The following ZFPM1 variants were observed in gnomAD, a reference collection of about 807,000 sequenced individuals.
The protein encoded by ZFPM1 is zinc finger protein ZFPM1.
In ZFPM1, 28 loss-of-function variants were observed where a neutral mutation model predicts 46.3. That is an observed-to-expected ratio of 0.60 (90% CI 0.45 to 0.83). The LOEUF is 0.83. Among genes scored for constraint, ZFPM1 ranks in the 40% least tolerant of loss-of-function variants. ZFPM1 has a pLI of 0.00. For missense variants in ZFPM1, 1,878 were observed against 1,432.4 expected (o/e 1.31, Z -5.02); for synonymous variants, 957 against 675.9 (o/e 1.42, Z -6.45).
intron 4 of ZFPM1, among the ~76,000 whole-genome samples, chr16:88,521,355 C>A (rs565875800): frequency 1.3e-5 from 2 of 151,966 alleles, no homozygotes; most frequent in Non-Finnish European, 2.9e-5. Context: ...TGACCCCTGA[C>A]GCCAGGCTCT....
rs1424319437 is a variant in ZFPM1 at position 88,490,788 on chromosome 16, G to A, written c.268+1635G>A. Among the ~76,000 whole-genome samples the A allele has an allele frequency of 3.3e-5, 5 of 152,322 alleles. No individual in the cohort carries two copies. In the East Asian group the frequency reaches 9.6e-4, roughly 29 times the overall value. ...TGGGGCTGCCCAAGGCAATGCTGGG[G>A]CCTCATGGCCACCGGTCCTCACGGG... On this transcript the variant is annotated intron_variant, in intron 3 of 9. Coordinates refer to ENST00000319555, the MANE Select transcript of ZFPM1 (RefSeq NM_153813.3).
intron 3 of ZFPM1, among the ~76,000 whole-genome samples, chr16:88,499,737 G>T (rs1187914949): frequency 4.6e-5 from 7 of 152,168 alleles, no homozygotes; most frequent in Admixed American, 4.6e-4. Context: ...GCCAGGAGAG[G>T]TGAGGTAGCC....
rs796150559 is a variant in ZFPM1 at position 88,502,077 on chromosome 16, T to C, written c.269-12310T>C. ...ACCCGCCCCCCCCCATTTATTTATT[T>C]ATTTATTTATTTATTTATTTATTTA... is the stretch of plus-strand genomic sequence containing the variant. On this transcript the variant is annotated intron_variant, in intron 3 of 9. Transcript: ENST00000319555. Among the ~76,000 whole-genome samples the C allele has an allele frequency of 4.1e-4, 50 of 123,304 alleles. 1 individual carries two copies. The highest frequency in any genetic ancestry group is 7.2e-4 in the East Asian group (3 of 4,180). 80.9% of individuals were successfully genotyped at this position (123,304 alleles called of 152,430 possible). A position where few individuals can be genotyped will look rare whatever the true frequency, so the allele number is the denominator to read the frequency against.
At chr16:88,513,864 C>G (rs1399110532) in intron 3 of ZFPM1, among the ~76,000 whole-genome samples, 3 of 152,220 alleles carry the variant, frequency 2.0e-5, no homozygotes, top group Admixed American at 6.5e-5. Context: ...TTCCCATGGT[C>G]TTTTCTGTCT....
rs759408456 is a variant in ZFPM1, at chr16:88,534,802, G to T, written c.2844G>T (p.Ala948=). 5.8e-6 allele frequency: 8 copies of T among 1,385,888 alleles called. No individual in the cohort carries two copies. Among genetic ancestry groups the T allele is most frequent in the African/African-American group, 3.0e-5 (2 of 67,692 alleles). 85.8% of individuals were successfully genotyped at this position (1,385,888 alleles called of 1,614,324 possible). Residue 948 remains alanine (A), a synonymous_variant, in exon 10 of 10, where the codon GCG becomes GCT. Coordinates refer to ENST00000319555, the MANE Select transcript of ZFPM1 (RefSeq NM_153813.3). ...CCGAGGCCGTGCCGCCCCCGCCGGC[G>T]CCCCCCTCCTACTCGGACAAGGGCG... ...AAPEAVPPPP[A]PPSYSDKGVQ...
At position 88,507,146 on chromosome 16, in the gene ZFPM1, G is replaced by C. The variant is rs532680430; in HGVS notation, c.269-7241G>C. Among the ~76,000 whole-genome samples, 347 of 152,304 alleles carry C rather than the reference G, an allele frequency of 2.3e-3. 1 individual carries two copies. The highest frequency in any genetic ancestry group is 7.9e-3 in the African/African-American group (327 of 41,564). ...GGGGTATGGCCTGGGCTGCAGACAT[G>C]GGTTTGCGATCAGAGGACCTGGGCT... On this transcript the variant is annotated intron_variant, in intron 3 of 9. Transcript: ENST00000319555.
intron 4 of ZFPM1, among the ~76,000 whole-genome samples, chr16:88,520,356 TA>T (rs1911737640): frequency 6.7e-6 from 1 of 149,986 alleles, no homozygotes; most frequent in Non-Finnish European, 1.5e-5. Flanking sequence ...GATAGATGAA[TA>T]GATGGGTGGA....
At chr16:88,524,638 C>T (rs779833495) in intron 4 of ZFPM1, among the ~76,000 whole-genome samples, 6 of 152,252 alleles carry the variant, frequency 3.9e-5, no homozygotes, top group African/African-American at 7.2e-5. Context: ...AATATGCATC[C>T]TGTGCTGGGA....
At chr16:88,488,544 G>A (rs772713194) in intron 2 of ZFPM1, among the ~76,000 whole-genome samples, 49 of 152,262 alleles carry the variant, frequency 3.2e-4, no homozygotes, top group South Asian at 6.2e-4. Flanking sequence ...CCCTTATCGC[G>A]GGTATTAATA....
intron 3 of ZFPM1, among the ~76,000 whole-genome samples, chr16:88,493,934 G>A (rs956987980): frequency 6.6e-6 from 1 of 152,176 alleles, no homozygotes; most frequent in African/African-American, 2.4e-5. Flanking sequence ...GTTCTGAGAC[G>A]GGAGCACAGG....
chr16:88,496,749 G>A (rs901079519), intron 3 of ZFPM1, among the ~76,000 whole-genome samples: 10 of 152,142 alleles, frequency 6.6e-5, no homozygotes, highest in East Asian at 5.8e-4. Context: ...TCATGTACAC[G>A]GGGCTTGAGG....
intron 3 of ZFPM1, among the ~76,000 whole-genome samples, chr16:88,504,165 G>A (rs1039650159): frequency 6.6e-6 from 1 of 152,114 alleles, no homozygotes; most frequent in African/African-American, 2.4e-5. Flanking sequence ...CAGGGACCTG[G>A]TAGGAAGAAA....
chr16:88,492,728 A>G (rs1472900379), intron 3 of ZFPM1, among the ~76,000 whole-genome samples: 1 of 152,158 alleles, frequency 6.6e-6, no homozygotes, highest in Non-Finnish European at 1.5e-5. Flanking sequence ...GCCTCTCCCA[A>G]CAGCTCCACC....
intron 1 of ZFPM1, 102 bp downstream of exon 1, chr16:88,453,780 G>A (rs1301010008): frequency 2.8e-6 from 2 of 702,672 alleles, no homozygotes; most frequent in East Asian, 9.7e-5. Flanking sequence ...CCTGGGCGCC[G>A]GCGACCTTCA....
At chr16:88,464,103 G>C (rs989984734) in intron 1 of ZFPM1, among the ~76,000 whole-genome samples, 2 of 152,346 alleles carry the variant, frequency 1.3e-5, no homozygotes, top group Middle Eastern at 3.4e-3. Context: ...TGGATTGGAG[G>C]CTCCTTCTTC....
chr16:88,532,175 C>G lies in ZFPM1; in HGVS notation c.886C>G (p.Gln296Glu). 1 of 1,611,910 alleles carries G rather than the reference C, an allele frequency of 6.2e-7. No individual in the cohort carries two copies. Among genetic ancestry groups the G allele is most frequent in the Middle Eastern group, 1.7e-4 (1 of 6,056 alleles). The change falls in exon 7 of 10, where the codon CAG becomes GAG. Residue 296 changes from glutamine (Q) to glutamate (E), a missense_variant. Gln to Glu is a conservative substitution (Grantham distance 29). Coordinates refer to ENST00000319555, the MANE Select transcript of ZFPM1 (RefSeq NM_153813.3). ...CAACGAGCGCGTCTGCCCCTTCCCC[C>G]AGTGCCGCAAGAGCTGCCCCAGCGC... is the stretch of plus-strand genomic sequence containing the variant. ...YPNERVCPFP[Q>E]CRKSCPSASS... is the part of the protein sequence containing the mutation.
intron 4 of ZFPM1, among the ~76,000 whole-genome samples, chr16:88,520,740 G>C (rs1364305817): frequency 1.5e-5 from 2 of 131,796 alleles, no homozygotes; most frequent in Admixed American, 7.5e-5. Context: ...TAGATGGATG[G>C]ATGGATGGGA....
At chr16:88,457,342 G>A (rs1021416565) in intron 1 of ZFPM1, among the ~76,000 whole-genome samples, 1 of 152,266 alleles carries the variant, frequency 6.6e-6, no homozygotes, top group African/African-American at 2.4e-5. Flanking sequence ...GAGCATCCAG[G>A]AAAGAAGGGG....
chr16:88,463,046 C>G (rs1907971279), intron 1 of ZFPM1, among the ~76,000 whole-genome samples: 1 of 152,232 alleles, frequency 6.6e-6, no homozygotes, highest in Non-Finnish European at 1.5e-5. Context: ...CTCCTTCCCA[C>G]TTCCTTCTGG....
Sources: allele counts gnomAD v4.1 joint callset (sites outside exome capture counted in the v4.1 genomes callset), GRCh38; gene constraint gnomAD v4.1.1; transcripts MANE v1.5; gene names NCBI Gene and HGNC (gene_info 2026-07-23, HGNC 2026-07-21).